Variants in ZFAND1 observed in about 807,000 individuals in gnomAD.
ZFAND1 encodes AN1-type zinc finger protein 1.
In ZFAND1, 40 loss-of-function variants were observed where a neutral mutation model predicts 38.5. That is an observed-to-expected ratio of 1.04 (90% CI 0.81 to 1.35). The LOEUF is 1.35. ZFAND1 is among the 40% of genes most tolerant of loss of function. ZFAND1 has a pLI of 0.00. For synonymous variants in ZFAND1, 117 were observed against 103.6 expected (o/e 1.13, Z -0.78); for missense variants, 346 against 316.3 (o/e 1.09, Z -0.71).
chr8:81,709,694 C>A (rs980412192), intron 6 of ZFAND1, among the ~76,000 whole-genome samples: 1 of 152,000 alleles, frequency 6.6e-6, no homozygotes, highest in African/African-American at 2.4e-5. Flanking sequence ...TACTTACACA[C>A]ACACAAACAT....
chr8:81,704,701 T>C (rs1377237246), intron 6 of ZFAND1, among the ~76,000 whole-genome samples: 1 of 152,132 alleles, frequency 6.6e-6, no homozygotes, highest in Non-Finnish European at 1.5e-5. Context: ...CTCTAACTTG[T>C]GGGGGAAAGA....
chr8:81,713,943 G>T lies in ZFAND1; in HGVS notation c.455C>A (p.Ala152Asp). The T allele has an allele frequency of 6.2e-7, 1 of 1,612,620 alleles. No homozygotes were observed. The highest frequency in any genetic ancestry group is 8.5e-7 in the Non-Finnish European group (1 of 1,179,634). ...KVALMKLKMH[A>D]DGDKSLPQTE... ...CTGTGGTAATGACTTATCGCCATCA[G>T]CATGCATCTTTAATTTCATCAATGC... The change falls in exon 6 of 8, where the codon GCT (alanine) becomes GAT (aspartate). Residue 152 changes from alanine (A) to aspartate (D), a missense_variant. Physicochemically the swap from Ala to Asp is moderately radical, Grantham distance 126 (BLOSUM62 -2). Transcript: ENST00000220669.
intron 6 of ZFAND1, among the ~76,000 whole-genome samples, chr8:81,712,131 T>C (rs1252585226): frequency 6.6e-6 from 1 of 152,032 alleles, no homozygotes; most frequent in Non-Finnish European, 1.5e-5. Flanking sequence ...ATTACATTGA[T>C]GAGGAAAAAA....
intron 6 of ZFAND1, among the ~76,000 whole-genome samples, chr8:81,711,899 A>C (rs1394921305): frequency 6.6e-6 from 1 of 152,170 alleles, no homozygotes; most frequent in Non-Finnish European, 1.5e-5. Flanking sequence ...CCAACCTTTG[A>C]GAACAAATTC....
intron 6 of ZFAND1, 115 bp downstream of exon 6, chr8:81,713,803 T>C: frequency 9.5e-7 from 1 of 1,056,726 alleles, no homozygotes; most frequent in Non-Finnish European, 1.4e-6. Context: ...CATGCAACAT[T>C]AAGAATGATA....
chr8:81,718,508 T>G (rs890319059), intron 1 of ZFAND1, among the ~76,000 whole-genome samples: 21 of 152,112 alleles, frequency 1.4e-4, no homozygotes, highest in African/African-American at 5.1e-4. Context: ...TTCCCAGATT[T>G]ACTAGGTGTT....
intron 2 of ZFAND1, 111 bp downstream of exon 2, chr8:81,718,071 T>A: frequency 1.1e-6 from 1 of 870,508 alleles, no homozygotes; most frequent in East Asian, 2.8e-5. Flanking sequence ...TGAATATCAA[T>A]AATCAATGGC....
At chr8:81,715,255 T>C in intron 3 of ZFAND1, 141 bp from the exon 4 acceptor site, 2 of 825,226 alleles carry the variant, frequency 2.4e-6, no homozygotes, top group Non-Finnish European at 3.7e-6. Flanking sequence ...TTATAAAGAA[T>C]GTTTTATGTG....
chr8:81,718,566 A>C (rs1003200812), intron 1 of ZFAND1, among the ~76,000 whole-genome samples: 2 of 151,534 alleles, frequency 1.3e-5, no homozygotes, highest in Non-Finnish European at 2.9e-5. Flanking sequence ...GGAGTGAAAA[A>C]CCTGGGATTC....
chr8:81,714,663 T>C (rs1808245354), intron 5 of ZFAND1, 141 bp downstream of exon 5: 2 of 733,190 alleles, frequency 2.7e-6, no homozygotes, highest in South Asian at 1.9e-5. Flanking sequence ...AGAAATACTG[T>C]CACAAGAATA....
In ZFAND1 at chr8:81,715,128, A is replaced by G; in HGVS notation, c.139-14T>C. The G allele has an allele frequency of 1.9e-6, 3 of 1,612,860 alleles. No individual in the cohort carries two copies. The highest frequency in any genetic ancestry group is 2.5e-6 in the Non-Finnish European group (3 of 1,179,338). ...GATTACAGTCACCTGAAAATGCAAA[A>G]AGGAGGAAATGTATTACATTTCAGA... On this transcript the variant is annotated splice_polypyrimidine_tract_variant and intron_variant, in intron 3 of 7. Transcript: ENST00000220669.
intron 6 of ZFAND1, among the ~76,000 whole-genome samples, chr8:81,705,382 GTAGT>G (rs1254787743): frequency 6.6e-6 from 1 of 152,100 alleles, no homozygotes; most frequent in Non-Finnish European, 1.5e-5. Flanking sequence ...TTTAAAAAAG[GTAGT>G]TAGGATGCAC....
At chr8:81,719,129 G>T (rs1252086657) in intron 1 of ZFAND1, among the ~76,000 whole-genome samples, 2 of 151,986 alleles carry the variant, frequency 1.3e-5, no homozygotes, top group African/African-American at 2.4e-5. Flanking sequence ...TAATTAATAA[G>T]AATAATACAA....
chr8:81,715,738 T>C (rs943099179), intron 3 of ZFAND1, among the ~76,000 whole-genome samples: 1 of 152,126 alleles, frequency 6.6e-6, no homozygotes, highest in Non-Finnish European at 1.5e-5. Context: ...AGGGAAATAA[T>C]TGCTTGAAAA....
intron 6 of ZFAND1, among the ~76,000 whole-genome samples, chr8:81,707,303 G>C (rs1057005593): frequency 2.0e-5 from 3 of 152,172 alleles, no homozygotes; most frequent in Non-Finnish European, 4.4e-5. Context: ...AATGGCAAAG[G>C]GGCCTTCAAA....
chr8:81,720,459 C>T (rs7826125), intron 1 of ZFAND1, among the ~76,000 whole-genome samples: 86,502 of 152,038 alleles, frequency 0.57, 25,106 homozygotes, highest in Admixed American at 0.62. Context: ...AATGTTTGTT[C>T]AAACAATAAT....
intron 6 of ZFAND1, among the ~76,000 whole-genome samples, chr8:81,713,345 G>A (rs1384421208): frequency 1.3e-5 from 2 of 151,928 alleles, no homozygotes. Flanking sequence ...GGATGGTCTC[G>A]ATCTCCTGAC....
At position 81,703,010 on chromosome 8, in the gene ZFAND1, G is replaced by A. The variant is rs1048741080; in HGVS notation, c.595C>T (p.Leu199=). The A allele has an allele frequency of 6.4e-7, 1 of 1,555,202 alleles. No homozygotes were observed. The highest frequency in any genetic ancestry group is 1.4e-5 in the African/African-American group (1 of 73,130). The change falls in exon 7 of 8, where the codon CTA becomes TTA. Residue 199 remains leucine (L), a synonymous_variant. Coordinates refer to ENST00000220669, the MANE Select transcript of ZFAND1 (RefSeq NM_024699.3). ...IGKAIDFAAS[L]ARLKNDNNKF... is the part of the protein sequence containing the mutation. ...TTATTGTCATTTTTAAGCCTGGCTA[G>A]AGAAGCGGCAAAGTCTATGGCCTTT...
chr8:81,718,205 A>G lies in ZFAND1; in HGVS notation c.75T>C (p.Cys25=). The G allele has an allele frequency of 1.9e-6, 3 of 1,573,876 alleles. No individual in the cohort carries two copies. Among genetic ancestry groups the G allele is most frequent in the Non-Finnish European group, 2.6e-6 (3 of 1,159,728 alleles). Residue 25 remains cysteine (C), a synonymous_variant, in exon 2 of 8, where the codon TGT becomes TGC. Transcript: ENST00000220669. ...CRQRDFLPFV[C]DDCSGIFCLE... is the part of the protein sequence containing the mutation. Reference sequence around the variant, plus strand: ...ACCAAAATATTCCTGAACAATCATCACACACAAATGGAAGAAAATCTAAAA... The same window carrying G: ...ACCAAAATATTCCTGAACAATCATCGCACACAAATGGAAGAAAATCTAAAA...
Sources: allele counts gnomAD v4.1 joint callset (sites outside exome capture counted in the v4.1 genomes callset), GRCh38; gene constraint gnomAD v4.1.1; transcripts MANE v1.5; gene names NCBI Gene and HGNC (gene_info 2026-07-23, HGNC 2026-07-21).